Variants in ZNF254 observed in about 807,000 individuals in gnomAD.
ZNF254 encodes the protein zinc finger protein 254, also known as CTD-2017D11.1.
Under a neutral mutation model 12.4 loss-of-function variants are expected in ZNF254, and 10 were observed. The observed-to-expected ratio is 0.80, with a 90% CI of 0.50 to 1.36. ZNF254 has a LOEUF of 1.36. Ranked by LOEUF, ZNF254 falls within the 40% of genes most tolerant of loss-of-function variation. The pLI, the probability that ZNF254 is intolerant of heterozygous loss-of-function variation, is 0.00. For missense variants in ZNF254, 996 were observed against 763.9 expected (o/e 1.30, Z -3.58); for synonymous variants, 305 against 253.4 (o/e 1.20, Z -1.93).
At chr19:24,068,671 C>T (rs1971367646) in intron 2 of ZNF254, among the ~76,000 whole-genome samples, 1 of 152,140 alleles carries the variant, frequency 6.6e-6, no homozygotes, top group South Asian at 2.1e-4. Context: ...TGTGATATGA[C>T]TCTCCTGTCT....
intron 1 of ZNF254, among the ~76,000 whole-genome samples, chr19:24,035,869 G>GA (rs1480906801): frequency 6.6e-6 from 1 of 152,082 alleles, no homozygotes; most frequent in Non-Finnish European, 1.5e-5. Flanking sequence ...AATAGGAAGG[G>GA]TGTTTCTTTG....
intron 2 of ZNF254, among the ~76,000 whole-genome samples, chr19:24,050,532 A>G (rs1346160483): frequency 6.6e-6 from 1 of 152,170 alleles, no homozygotes; most frequent in Non-Finnish European, 1.5e-5. Flanking sequence ...CCAAGGTGAT[A>G]TGACTCTCCT....
chr19:24,109,817 G>A (rs1162261805), intron 3 of ZNF254, among the ~76,000 whole-genome samples: 1 of 150,464 alleles, frequency 6.6e-6, no homozygotes, highest in Admixed American at 6.6e-5. Context: ...CACCTCTCGG[G>A]TTTAAGTGAT....
Position 24,128,151 on chromosome 19 carries a change from C to T in ZNF254, c.*171C>T. 1.5e-6 allele frequency: 1 copy of T among 655,596 alleles called. No individual in the cohort carries two copies. Among genetic ancestry groups the T allele is most frequent in the South Asian group, 4.0e-5 (1 of 24,846 alleles). 40.6% of individuals were successfully genotyped at this position (655,596 alleles called of 1,614,324 possible). A position where few individuals can be genotyped will look rare whatever the true frequency, so the allele number is the denominator to read the frequency against. On this transcript the variant is annotated 3_prime_UTR_variant, in exon 4 of 4. Transcript: ENST00000357002. ...TAGAAATGTGAAGAATGTGAAAAAGCCTTTAAATGATTGTCACACTTGATT... is the reference window on the plus strand; with the variant it reads ...TAGAAATGTGAAGAATGTGAAAAAGTCTTTAAATGATTGTCACACTTGATT...
chr19:24,085,715 T>G (rs1223259497), upstream of ZNF254, among the ~76,000 whole-genome samples: 1 of 151,214 alleles, frequency 6.6e-6, no homozygotes, highest in Non-Finnish European at 1.5e-5. Context: ...GAGGTTGCAG[T>G]GAGCCAAGAT....
chr19:24,113,371 T>C (rs1002903854), intron 3 of ZNF254, among the ~76,000 whole-genome samples: 1 of 152,110 alleles, frequency 6.6e-6, no homozygotes, highest in African/African-American at 2.4e-5. Flanking sequence ...GCAGGGCTGG[T>C]TCAATATATG....
chr19:24,090,084 G>A (rs1045931434), intron 1 of ZNF254, among the ~76,000 whole-genome samples: 2 of 150,758 alleles, frequency 1.3e-5, no homozygotes, highest in Admixed American at 6.6e-5. Context: ...TGTAATCGCA[G>A]CTACTCAGGA....
chr19:24,108,147 A>G (rs887439296), intron 3 of ZNF254, among the ~76,000 whole-genome samples: 2 of 152,190 alleles, frequency 1.3e-5, no homozygotes, highest in African/African-American at 4.8e-5. Flanking sequence ...CCGGCCATGA[A>G]CTATGGCTCA....
intron 2 of ZNF254, among the ~76,000 whole-genome samples, chr19:24,063,076 C>T (rs1271073259): frequency 1.3e-5 from 2 of 152,138 alleles, no homozygotes; most frequent in African/African-American, 4.8e-5. Context: ...GCTGGGATTA[C>T]AGGTGTGAGC....
intron 3 of ZNF254, chr19:24,107,315 C>A: frequency 2.0e-6 from 1 of 510,894 alleles, no homozygotes; most frequent in Admixed American, 4.0e-5. Context: ...TTTCATAATA[C>A]TTATTCTTTC....
chr19:24,128,103 A>T lies in ZNF254; in HGVS notation c.*123A>T. On this transcript the variant is annotated 3_prime_UTR_variant, in exon 4 of 4. Transcript: ENST00000357002. ...TTTGACAGTACCTAAAACTTTAAAG[A>T]AAATCATTCTGCTGAAAAATCCTAG... The T allele has an allele frequency of 1.0e-6, 1 of 990,748 alleles. No individual in the cohort carries two copies. Among genetic ancestry groups the T allele is most frequent in the South Asian group, 2.9e-5 (1 of 34,302 alleles). The allele number at this position is 990,748 out of a possible 1,614,324, so 61.4% of individuals were successfully genotyped here.
At chr19:24,054,931 G>A (rs537525664) in intron 2 of ZNF254, among the ~76,000 whole-genome samples, 7 of 152,076 alleles carry the variant, frequency 4.6e-5, no homozygotes, top group South Asian at 2.1e-4. Flanking sequence ...CTAACCAGGC[G>A]CAGTGGCTCA....
chr19:24,045,705 T>C (rs921482072), intron 1 of ZNF254, among the ~76,000 whole-genome samples: 5 of 151,290 alleles, frequency 3.3e-5, no homozygotes, highest in Non-Finnish European at 5.9e-5. Flanking sequence ...TAGCCCCTTC[T>C]TCGGGGCCGA....
intron 3 of ZNF254, among the ~76,000 whole-genome samples, chr19:24,122,985 C>G (rs1450744476): frequency 2.0e-5 from 3 of 151,264 alleles, no homozygotes; most frequent in Non-Finnish European, 4.4e-5. Context: ...AGCATTGTTC[C>G]TTTTATTTTT....
In ZNF254 at chr19:24,093,435, T is replaced by C. The variant is rs528106336; in HGVS notation, c.30+6098T>C. ...GTTTTTTATAATGTTAAAATAAACATTTCAGTCTTTAATCTTGAGTTGATT... is the reference window on the plus strand; with the variant it reads ...GTTTTTTATAATGTTAAAATAAACACTTCAGTCTTTAATCTTGAGTTGATT... On this transcript the variant is annotated intron_variant, in intron 1 of 3. Coordinates refer to ENST00000357002, the MANE Select transcript of ZNF254 (RefSeq NM_203282.4). Among the ~76,000 whole-genome samples, 7 of 152,296 alleles carry C rather than the reference T, an allele frequency of 4.6e-5. No homozygotes were observed. In the South Asian group the frequency reaches 1.5e-3, roughly 32 times the overall value.
intron 1 of ZNF254, chr19:24,098,912 C>G (rs991434194): frequency 6.7e-6 from 1 of 149,006 alleles, no homozygotes; most frequent in African/African-American, 2.5e-5. Context: ...AAACAATGCT[C>G]TCTTTACCAT....
intron 3 of ZNF254, among the ~76,000 whole-genome samples, chr19:24,117,574 C>T (rs1038408535): frequency 6.6e-6 from 1 of 152,052 alleles, no homozygotes; most frequent in Admixed American, 6.5e-5. Context: ...TGGGAGTGAC[C>T]CGACTTTCCA....
intron 2 of ZNF254, among the ~76,000 whole-genome samples, chr19:24,063,071 G>A (rs892752221): frequency 6.6e-6 from 1 of 152,158 alleles, no homozygotes; most frequent in Non-Finnish European, 1.5e-5. Flanking sequence ...AAAGTGCTGG[G>A]ATTACAGGTG....
intron 2 of ZNF254, among the ~76,000 whole-genome samples, chr19:24,060,853 T>C (rs1288326629): frequency 6.6e-6 from 1 of 152,204 alleles, no homozygotes; most frequent in Admixed American, 6.5e-5. Context: ...TTGTGTCATA[T>C]AGCTTTACTC....
Sources: allele counts gnomAD v4.1 joint callset (sites outside exome capture counted in the v4.1 genomes callset), GRCh38; gene constraint gnomAD v4.1.1; transcripts MANE v1.5; gene names NCBI Gene and HGNC (gene_info 2026-07-23, HGNC 2026-07-21).